The following PLXNA4 variants were observed in gnomAD, a reference collection of about 807,000 sequenced individuals.
The protein encoded by PLXNA4 is plexin-A4.
PLXNA4 carries 44 observed loss-of-function variants against 191.8 expected under a neutral mutation model. The ratio of observed to expected loss-of-function variants is 0.23; its 90% CI spans 0.18 to 0.29. The LOEUF is 0.29. Among genes scored for constraint, PLXNA4 ranks in the 10% least tolerant of loss-of-function variants. The probability of loss-of-function intolerance (pLI) is 1.00; values close to 1 mark genes in which losing one functional copy is unlikely to be tolerated. For synonymous variants in PLXNA4, 1,082 were observed against 1,009.5 expected, an observed-to-expected ratio of 1.07 and a Z score of -1.36; for missense variants, 1,800 against 2,488.8, an observed-to-expected ratio of 0.72 and a Z score of 5.89.
chr7:132,186,317 A>G (rs1209377342), intron 15 of PLXNA4, among the ~76,000 whole-genome samples: 2 of 152,176 alleles, frequency 1.3e-5, no homozygotes, highest in African/African-American at 4.8e-5. Context: ...TGCTGTGCCT[A>G]TCATCTCTGA....
intron 1 of PLXNA4, among the ~76,000 whole-genome samples, chr7:132,526,441 G>A (rs1183312669): frequency 6.6e-6 from 1 of 152,202 alleles, no homozygotes; most frequent in Non-Finnish European, 1.5e-5. Flanking sequence ...GTAGAGAAAG[G>A]AGGAAGGATA....
chr7:132,480,860 C>T (rs999367800), intron 3 of PLXNA4, among the ~76,000 whole-genome samples: 2 of 152,156 alleles, frequency 1.3e-5, no homozygotes. Flanking sequence ...GCAGGAGTCC[C>T]GTCGTTTCTA....
intron 12 of PLXNA4, among the ~76,000 whole-genome samples, chr7:132,199,467 T>C (rs546689768): frequency 4.6e-5 from 7 of 152,258 alleles, no homozygotes; most frequent in African/African-American, 1.7e-4. Flanking sequence ...ATGATTAAAA[T>C]GTGAGGACTC....
At chr7:132,389,445 T>C (rs569669816) in intron 3 of PLXNA4, among the ~76,000 whole-genome samples, 3 of 152,330 alleles carry the variant, frequency 2.0e-5, no homozygotes, top group Admixed American at 6.5e-5. Context: ...AATTTTTGTA[T>C]AAGGTGTAAG....
intron 3 of PLXNA4, among the ~76,000 whole-genome samples, chr7:132,420,357 A>G (rs1041643126): frequency 3.9e-5 from 6 of 152,116 alleles, no homozygotes; most frequent in African/African-American, 1.2e-4. Flanking sequence ...GGTCCAGGGG[A>G]CAGCAAGAGA....
At chr7:132,163,616 G>A (rs909796978) in intron 24 of PLXNA4, among the ~76,000 whole-genome samples, 2 of 152,172 alleles carry the variant, frequency 1.3e-5, no homozygotes, top group Non-Finnish European at 2.9e-5. Flanking sequence ...CCTTGATGGA[G>A]GGGATCCCCA....
intron 3 of PLXNA4, among the ~76,000 whole-genome samples, chr7:132,473,801 C>T (rs1025787941): frequency 4.0e-5 from 6 of 150,608 alleles, no homozygotes; most frequent in Admixed American, 6.6e-5. Context: ...GCCATGGGAA[C>T]GTAATGAGGG....
chr7:132,353,257 T>A (rs2116815032), intron 3 of PLXNA4, among the ~76,000 whole-genome samples: 1 of 152,324 alleles, frequency 6.6e-6, no homozygotes, highest in African/African-American at 2.4e-5. Flanking sequence ...TATGGCTCCA[T>A]CCCAGAACAC....
intron 2 of PLXNA4, among the ~76,000 whole-genome samples, chr7:132,618,162 A>C (rs767285624): frequency 3.3e-5 from 5 of 152,226 alleles, no homozygotes; most frequent in Non-Finnish European, 7.3e-5. Flanking sequence ...CTGGGCAGCC[A>C]TTGGTCAGAT....
chr7:132,165,939 C>T (rs1796109747), intron 22 of PLXNA4, among the ~76,000 whole-genome samples: 1 of 152,194 alleles, frequency 6.6e-6, no homozygotes, highest in African/African-American at 2.4e-5. Context: ...TGGCTCTTGC[C>T]TGTAATCCCA....
chr7:132,337,243 T>C (rs1802853514), intron 3 of PLXNA4, among the ~76,000 whole-genome samples: 1 of 152,238 alleles, frequency 6.6e-6, no homozygotes, highest in South Asian at 2.1e-4. Flanking sequence ...GCAAACGTGC[T>C]GTAGATACCT....
intron 3 of PLXNA4, among the ~76,000 whole-genome samples, chr7:132,478,008 A>C (rs1361160307): frequency 6.6e-6 from 1 of 152,230 alleles, no homozygotes; most frequent in Non-Finnish European, 1.5e-5. Flanking sequence ...AGAGATAAAG[A>C]AGCCCACAGC....
intron 3 of PLXNA4, among the ~76,000 whole-genome samples, chr7:132,398,103 C>T (rs1793834874): frequency 6.6e-6 from 1 of 152,214 alleles, no homozygotes; most frequent in Admixed American, 6.5e-5. Flanking sequence ...AGTCCAAAGC[C>T]ACGCTGTGCC....
At chr7:132,173,749 G>C (rs1452499015) in intron 21 of PLXNA4, among the ~76,000 whole-genome samples, 2 of 152,152 alleles carry the variant, frequency 1.3e-5, no homozygotes, top group Non-Finnish European at 2.9e-5. Context: ...TTTATTTTAT[G>C]GACAATGTAA....
Position 132,406,237 on chromosome 7 carries a change from G to C in PLXNA4, c.1371+83055C>G, listed in dbSNP as rs989094825. On this transcript the variant is annotated intron_variant, in intron 3 of 31. Transcript: ENST00000321063. ...CAGACAGAAGTTGGCTCATTTGAAA[G>C]GGATAGCATGCCCTCCTGCCACACA... 3.9e-5 allele frequency among the ~76,000 whole-genome samples: 6 copies of C among 152,320 alleles called. 1 individual carries two copies. In the South Asian group the frequency reaches 1.2e-3, roughly 32 times the overall value.
At chr7:132,172,340 C>A (rs1796311397) in intron 21 of PLXNA4, among the ~76,000 whole-genome samples, 1 of 152,168 alleles carries the variant, frequency 6.6e-6, no homozygotes, top group South Asian at 2.1e-4. Flanking sequence ...ATGACCAGTG[C>A]CTGGGAAGCA....
chr7:132,138,206 C>A (rs1403468872), intron 30 of PLXNA4, among the ~76,000 whole-genome samples: 2 of 152,102 alleles, frequency 1.3e-5, no homozygotes. Flanking sequence ...AAAACCTTCC[C>A]CAAATACATG....
chr7:132,635,171 TA>T (rs2116883902), intron 2 of PLXNA4, among the ~76,000 whole-genome samples: 2 of 1,030 alleles, frequency 1.9e-3, no homozygotes, highest in African/African-American at 0.019. Flanking sequence ...AACTCCCCTT[TA>T]TATATATATA....
At chr7:132,578,614 G>A (rs759594574), upstream of PLXNA4, among the ~76,000 whole-genome samples, 1 of 152,098 alleles carries the variant, frequency 6.6e-6, no homozygotes, top group Non-Finnish European at 1.5e-5. Flanking sequence ...CAAGGTGAGC[G>A]GCACATATAG....
Sources: gnomAD v4.1 joint callset for allele counts (sites outside exome capture counted in the v4.1 genomes callset) on GRCh38, gnomAD v4.1.1 for gene constraint, MANE v1.5 for transcripts, NCBI Gene and HGNC (gene_info 2026-07-23, HGNC 2026-07-21) for gene names.